THADA: variants seen among roughly 807,000 people sequenced by gnomAD.
THADA encodes the protein THADA armadillo repeat containing.
A neutral mutation model predicts 219.8 loss-of-function variants in THADA; 213 were observed. That is an observed-to-expected ratio of 0.97 (90% CI 0.87 to 1.09). The LOEUF (loss-of-function observed/expected upper bound fraction) is 1.09. THADA is among the 50% of genes least tolerant of loss of function. The pLI is 0.00. For synonymous variants in THADA, 1,018 were observed against 828.9 expected (o/e 1.23, Z -3.92); for missense variants, 2,956 against 2,311.3 (o/e 1.28, Z -5.72).
At chr2:43,566,647 T>C (rs746351860) in intron 15 of THADA, 51 bp downstream of exon 15, 2 of 1,585,534 alleles carry the variant, frequency 1.3e-6, no homozygotes, top group East Asian at 2.2e-5. Context: ...AGAATAAGTA[T>C]GTTTTGAAAG....
At chr2:43,236,852 G>C (rs1394977794) in intron 36 of THADA, among the ~76,000 whole-genome samples, 1 of 149,198 alleles carries the variant, frequency 6.7e-6, no homozygotes, top group African/African-American at 2.5e-5. Flanking sequence ...ATGAGGTCAG[G>C]ATATCGAGAC....
intron 15 of THADA, chr2:43,563,179 T>C (rs1173345708): frequency 2.0e-5 from 3 of 152,250 alleles, no homozygotes; most frequent in Non-Finnish European, 4.4e-5. Flanking sequence ...AATGTAGGCA[T>C]TTACAGCTAT....
intron 29 of THADA, among the ~76,000 whole-genome samples, chr2:43,394,691 C>T (rs957790200): frequency 2.0e-5 from 3 of 152,168 alleles, no homozygotes; most frequent in Non-Finnish European, 4.4e-5. Flanking sequence ...CCATAAAGAA[C>T]CACAGGATGG....
At chr2:43,448,124 A>G (rs1175145048) in intron 26 of THADA, among the ~76,000 whole-genome samples, 2 of 152,236 alleles carry the variant, frequency 1.3e-5, no homozygotes, top group African/African-American at 4.8e-5. Flanking sequence ...CAGTGAAAGA[A>G]TTCTCGAAAG....
chr2:43,239,823 G>A (rs1429330715), intron 36 of THADA, among the ~76,000 whole-genome samples: 1 of 152,126 alleles, frequency 6.6e-6, no homozygotes, highest in Non-Finnish European at 1.5e-5. Context: ...AAGGTGTTGG[G>A]TGGCCCTGCC....
intron 29 of THADA, among the ~76,000 whole-genome samples, chr2:43,389,467 T>C (rs761141985): frequency 3.9e-5 from 6 of 152,114 alleles, no homozygotes; most frequent in Non-Finnish European, 7.4e-5. Flanking sequence ...ACAATAACCA[T>C]AATAATAATA....
At chr2:43,349,380 G>A (rs1668002211) in intron 29 of THADA, among the ~76,000 whole-genome samples, 1 of 152,236 alleles carries the variant, frequency 6.6e-6, no homozygotes, top group South Asian at 2.1e-4. Context: ...CATTTTGGCA[G>A]CTTTGAAATG....
At chr2:43,559,203 G>A (rs1261506638) in intron 16 of THADA, among the ~76,000 whole-genome samples, 1 of 152,150 alleles carries the variant, frequency 6.6e-6, no homozygotes, top group Non-Finnish European at 1.5e-5. Flanking sequence ...TTAGCAGCCT[G>A]AGCACCAGGG....
intron 36 of THADA, among the ~76,000 whole-genome samples, chr2:43,233,984 C>A (rs372792705): frequency 2.0e-5 from 3 of 152,262 alleles, no homozygotes; most frequent in East Asian, 1.9e-4. Context: ...ATCTGGCCCC[C>A]GAAAGACTTA....
At chr2:43,263,696 A>C (rs1671212234) in intron 36 of THADA, among the ~76,000 whole-genome samples, 1 of 152,296 alleles carries the variant, frequency 6.6e-6, no homozygotes, top group African/African-American at 2.4e-5. Flanking sequence ...CATGGAACTG[A>C]GGTATGTTCT....
chr2:43,344,989 G>A (rs530524532), intron 29 of THADA, among the ~76,000 whole-genome samples: 1 of 152,364 alleles, frequency 6.6e-6, no homozygotes, highest in East Asian at 1.9e-4. Context: ...CTTGGCTAGT[G>A]CCAAGGAGAG....
intron 32 of THADA, 131 bp downstream of exon 32, chr2:43,292,703 G>T: frequency 8.8e-7 from 1 of 1,139,058 alleles, no homozygotes; most frequent in Non-Finnish European, 1.2e-6. Flanking sequence ...TTATCCACTG[G>T]CTGCCGAATC....
At chr2:43,408,504 A>C (rs767148335) in intron 28 of THADA, 1 of 152,226 alleles carries the variant, frequency 6.6e-6, no homozygotes, top group Non-Finnish European at 1.5e-5. Flanking sequence ...GAAGAAATAC[A>C]CAGTCATCAG....
At chr2:43,560,642 G>C (rs1244608602) in intron 15 of THADA, among the ~76,000 whole-genome samples, 1 of 152,032 alleles carries the variant, frequency 6.6e-6, no homozygotes, top group Non-Finnish European at 1.5e-5. Flanking sequence ...AGATTTCTAA[G>C]TTATTGTTAA....
At chr2:43,504,038 C>G (rs1224323211) in intron 24 of THADA, among the ~76,000 whole-genome samples, 3 of 151,914 alleles carry the variant, frequency 2.0e-5, no homozygotes, top group African/African-American at 7.3e-5. Flanking sequence ...GAGATGCTGA[C>G]CTGTTCAGTA....
chr2:43,282,587 A>G (rs538485928), intron 35 of THADA, among the ~76,000 whole-genome samples: 1 of 152,342 alleles, frequency 6.6e-6, no homozygotes, highest in East Asian at 1.9e-4. Context: ...TTCTACTAAT[A>G]GGTGAGAAGA....
At chr2:43,473,160 T>G (rs1415819230) in intron 26 of THADA, among the ~76,000 whole-genome samples, 2 of 152,238 alleles carry the variant, frequency 1.3e-5, no homozygotes, top group African/African-American at 4.8e-5. Context: ...AAACTTAAAA[T>G]TTTTAACTTT....
intron 19 of THADA, among the ~76,000 whole-genome samples, chr2:43,549,680 G>A (rs947521862): frequency 6.6e-6 from 1 of 152,090 alleles, no homozygotes; most frequent in African/African-American, 2.4e-5. Flanking sequence ...CAAATATGGT[G>A]CTAATCATGT....
At chr2:43,269,019 T>G (rs1384570564) in intron 36 of THADA, among the ~76,000 whole-genome samples, 1 of 152,230 alleles carries the variant, frequency 6.6e-6, no homozygotes, top group Non-Finnish European at 1.5e-5. Flanking sequence ...AAAGGAAGCC[T>G]GCTCACCACA....
Sources: gnomAD v4.1 joint callset for allele counts (sites outside exome capture counted in the v4.1 genomes callset) on GRCh38, gnomAD v4.1.1 for gene constraint, MANE v1.5 for transcripts, NCBI Gene and HGNC (gene_info 2026-07-23, HGNC 2026-07-21) for gene names.